The following ST8SIA1 variants were observed in gnomAD, a reference collection of about 807,000 sequenced individuals.
ST8SIA1 encodes the protein alpha-N-acetylneuraminide alpha-2,8-sialyltransferase.
In ST8SIA1, 16 loss-of-function variants were observed where a neutral mutation model predicts 35.9. The ratio of observed to expected loss-of-function variants is 0.45; its 90% CI spans 0.30 to 0.68. ST8SIA1 has a LOEUF of 0.68. ST8SIA1 is among the 30% of genes least tolerant of loss of function. The probability of loss-of-function intolerance (pLI) is 0.09; values close to 1 mark genes in which losing one functional copy is unlikely to be tolerated. For missense variants in ST8SIA1, 383 were observed against 453.6 expected (o/e 0.84, Z 1.41); for synonymous variants, 170 against 169.6 (o/e 1.00, Z -0.02).
At chr12:22,317,248 G>A (rs1866532722) in intron 1 of ST8SIA1, among the ~76,000 whole-genome samples, 1 of 152,136 alleles carries the variant, frequency 6.6e-6, no homozygotes, top group Non-Finnish European at 1.5e-5. Flanking sequence ...GTTGTGGGTG[G>A]GAAAGAGGAT....
At chr12:22,305,223 A>G (rs1247490179) in intron 1 of ST8SIA1, among the ~76,000 whole-genome samples, 2 of 152,224 alleles carry the variant, frequency 1.3e-5, no homozygotes, top group Non-Finnish European at 2.9e-5. Flanking sequence ...AAAGAAAAAT[A>G]AAAGTGCTTA....
At chr12:22,285,894 AAAG>A (rs1866096300) in intron 2 of ST8SIA1, among the ~76,000 whole-genome samples, 2 of 151,632 alleles carry the variant, frequency 1.3e-5, no homozygotes. Context: ...AAAAAAAAAA[AAAG>A]GACATTTCCA....
At chr12:22,249,504 G>A (rs953292637) in intron 3 of ST8SIA1, among the ~76,000 whole-genome samples, 22 of 152,152 alleles carry the variant, frequency 1.4e-4, no homozygotes, top group Non-Finnish European at 1.5e-5. Context: ...ACAGGCGTGA[G>A]CCACTGCACC....
intron 4 of ST8SIA1, among the ~76,000 whole-genome samples, chr12:22,215,368 A>G (rs1156831382): frequency 6.6e-6 from 1 of 152,166 alleles, no homozygotes; most frequent in Non-Finnish European, 1.5e-5. Context: ...GTGCTGTTCT[A>G]TGCACTGAGG....
At position 22,198,896 on chromosome 12, in the gene ST8SIA1, T is replaced by C. The variant is rs1268663747; in HGVS notation, c.*2656A>G. ...AGTACATGCTATTAGCACCCTTGAG[T>C]CATGAAAATAAAAAATGTCTCTGGT... is the stretch of plus-strand genomic sequence containing the variant. On this transcript the variant is annotated 3_prime_UTR_variant, in exon 5 of 5. Transcript: ENST00000396037. 1 of 151,972 alleles carries C rather than the reference T, an allele frequency of 6.6e-6. No homozygotes were observed. The highest frequency in any genetic ancestry group is 2.1e-4 in the South Asian group (1 of 4,820). 9.4% of individuals were successfully genotyped at this position (151,972 alleles called of 1,614,324 possible). A position where few individuals can be genotyped will look rare whatever the true frequency, so the allele number is the denominator to read the frequency against.
At chr12:22,262,599 G>A (rs1189038948) in intron 2 of ST8SIA1, among the ~76,000 whole-genome samples, 1 of 152,234 alleles carries the variant, frequency 6.6e-6, no homozygotes, top group Non-Finnish European at 1.5e-5. Flanking sequence ...ATTCATTGTT[G>A]CAGAGTCTGA....
intron 3 of ST8SIA1, among the ~76,000 whole-genome samples, chr12:22,249,300 G>A (rs1005603312): frequency 6.7e-6 from 1 of 148,992 alleles, no homozygotes; most frequent in Admixed American, 6.8e-5. Context: ...CTCACTGCAA[G>A]CTCCACCTGC....
chr12:22,254,241 A>C (rs1038296974), intron 3 of ST8SIA1, among the ~76,000 whole-genome samples: 4 of 151,902 alleles, frequency 2.6e-5, no homozygotes, highest in Admixed American at 1.3e-4. Flanking sequence ...CTTTTTCTAC[A>C]ACATGTCCAC....
chr12:22,329,145 A>G (rs1866723941), intron 1 of ST8SIA1, among the ~76,000 whole-genome samples: 3 of 152,232 alleles, frequency 2.0e-5, no homozygotes, highest in Admixed American at 2.0e-4. Flanking sequence ...TTGGAGAAGT[A>G]ATCAGAGCCA....
At position 22,270,940 on chromosome 12, in the gene ST8SIA1, C is replaced by T. The variant is rs996141154; in HGVS notation, c.382-15551G>A. Among the ~76,000 whole-genome samples, 23 of 152,312 alleles carry T rather than the reference C, an allele frequency of 1.5e-4. No individual in the cohort carries two copies. In the East Asian group the frequency reaches 4.1e-3, roughly 27 times the overall value. ...GATTCATAATTAGTAAATGGAAATA[C>T]ACTAAAAAGTTCATTGTGCCTTTTT... is the stretch of plus-strand genomic sequence containing the variant. On this transcript the variant is annotated intron_variant, in intron 2 of 4. Coordinates refer to ENST00000396037, the MANE Select transcript of ST8SIA1 (RefSeq NM_003034.4).
intron 4 of ST8SIA1, among the ~76,000 whole-genome samples, chr12:22,217,402 C>G (rs1865246494): frequency 6.6e-6 from 1 of 152,052 alleles, no homozygotes; most frequent in Non-Finnish European, 1.5e-5. Context: ...AAAGCAACAC[C>G]TTATATTTTA....
intron 1 of ST8SIA1, among the ~76,000 whole-genome samples, chr12:22,294,723 G>A (rs1866221928): frequency 6.6e-6 from 1 of 152,120 alleles, no homozygotes; most frequent in South Asian, 2.1e-4. Flanking sequence ...TTGAAAGAAG[G>A]AACTTTTGAA....
At chr12:22,249,129 A>G in intron 3 of ST8SIA1, 31 bp from the exon 4 acceptor site, 1 of 1,420,668 alleles carries the variant, frequency 7.0e-7, no homozygotes, top group Non-Finnish European at 9.9e-7. Context: ...ATTTTGGAAC[A>G]ATTTGCATAG....
intron 1 of ST8SIA1, among the ~76,000 whole-genome samples, chr12:22,309,353 C>T (rs755046519): frequency 1.3e-5 from 2 of 152,122 alleles, no homozygotes; most frequent in South Asian, 4.1e-4. Flanking sequence ...GAGACACCAC[C>T]GACTACAGAG....
chr12:22,255,466 C>A (rs1041589547), intron 2 of ST8SIA1, 77 bp from the exon 3 acceptor site: 1 of 1,249,724 alleles, frequency 8.0e-7, no homozygotes, highest in African/African-American at 1.5e-5. Flanking sequence ...TACAGCAGAC[C>A]CTTTGGAGGA....
chr12:22,254,602 T>C (rs1865708628), intron 3 of ST8SIA1, among the ~76,000 whole-genome samples: 1 of 152,220 alleles, frequency 6.6e-6, no homozygotes, highest in Non-Finnish European at 1.5e-5. Context: ...TAAGCATGTC[T>C]GGGCAGAATC....
intron 2 of ST8SIA1, among the ~76,000 whole-genome samples, chr12:22,281,273 G>T (rs975487894): frequency 6.6e-6 from 1 of 152,050 alleles, no homozygotes; most frequent in Non-Finnish European, 1.5e-5. Flanking sequence ...TAAAGACCAG[G>T]TATTATTTGT....
intron 1 of ST8SIA1, among the ~76,000 whole-genome samples, chr12:22,316,576 GC>G (rs1233407204): frequency 6.6e-6 from 1 of 152,048 alleles, no homozygotes; most frequent in African/African-American, 2.4e-5. Flanking sequence ...TGACTCGAAG[GC>G]TCAAAAGCTA....
chr12:22,223,029 T>A (rs1166636516), intron 4 of ST8SIA1, among the ~76,000 whole-genome samples: 1 of 152,248 alleles, frequency 6.6e-6, no homozygotes, highest in Non-Finnish European at 1.5e-5. Flanking sequence ...ATATTTATTT[T>A]CTTTTCATTC....
Sources: gnomAD v4.1 joint callset for allele counts (sites outside exome capture counted in the v4.1 genomes callset) on GRCh38, gnomAD v4.1.1 for gene constraint, MANE v1.5 for transcripts, NCBI Gene and HGNC (gene_info 2026-07-23, HGNC 2026-07-21) for gene names.